TSPAN14: variants seen among roughly 807,000 people sequenced by gnomAD.
The protein encoded by TSPAN14 is tetraspanin 14, also known as tetraspanin-14.
In TSPAN14, 16 loss-of-function variants were observed where a neutral mutation model predicts 36.6. The observed-to-expected ratio is 0.44, with a 90% CI of 0.30 to 0.66. The LOEUF (loss-of-function observed/expected upper bound fraction) is 0.66, where lower values mean the gene tolerates loss of function less well. Ranked by LOEUF, TSPAN14 falls within the 30% of genes least tolerant of loss-of-function variation. The pLI is 0.12. For missense variants in TSPAN14, 231 were observed against 355.1 expected (o/e 0.65, Z 2.81); for synonymous variants, 139 against 143.8 (o/e 0.97, Z 0.24).
chr10:80,507,120 AG>A (rs1840344590), intron 3 of TSPAN14, 107 bp from the exon 4 acceptor site: 4 of 1,426,056 alleles, frequency 2.8e-6, no homozygotes, highest in East Asian at 2.5e-5. Context: ...AAGAGGGCTG[AG>A]CCTGGGGAAG....
intron 1 of TSPAN14, among the ~76,000 whole-genome samples, chr10:80,472,230 A>G (rs1035774687): frequency 2.0e-5 from 3 of 152,156 alleles, no homozygotes; most frequent in East Asian, 1.9e-4. Flanking sequence ...CACAAACTCT[A>G]TGTTTCAGTT....
At chr10:80,490,015 C>G (rs1454834216) in intron 2 of TSPAN14, among the ~76,000 whole-genome samples, 1 of 152,176 alleles carries the variant, frequency 6.6e-6, no homozygotes, top group African/African-American at 2.4e-5. Context: ...AGAAGGGACA[C>G]AGGTGGGGAC....
At chr10:80,515,705 C>A (rs900093595) in intron 7 of TSPAN14, 1 of 163,444 alleles carries the variant, frequency 6.1e-6, no homozygotes, top group African/African-American at 2.4e-5. Flanking sequence ...TGACACCCCA[C>A]CGGGGTTAGC....
intron 2 of TSPAN14, among the ~76,000 whole-genome samples, chr10:80,498,707 G>A (rs1044100038): frequency 7.2e-5 from 11 of 152,216 alleles, no homozygotes; most frequent in Admixed American, 6.5e-5. Context: ...TCTGTCTGCC[G>A]TGCGGGAGGG....
intron 1 of TSPAN14, among the ~76,000 whole-genome samples, chr10:80,475,071 C>T (rs1019429976): frequency 1.3e-5 from 2 of 152,138 alleles, no homozygotes; most frequent in African/African-American, 2.4e-5. Flanking sequence ...GGGGTGCAGG[C>T]GGCCATCCTC....
chr10:80,518,176 G>A, exon 9 of TSPAN14: 1 of 608,022 alleles, frequency 1.6e-6, no homozygotes, highest in Non-Finnish European at 2.9e-6. Context: ...GCCCAAACTT[G>A]TGACTGCATC....
chr10:80,464,738 T>A (rs921556825), intron 1 of TSPAN14, among the ~76,000 whole-genome samples: 1 of 152,142 alleles, frequency 6.6e-6, no homozygotes, highest in Non-Finnish European at 1.5e-5. Context: ...GAGGTTTCTA[T>A]TGTGGCCTGG....
intron 1 of TSPAN14, among the ~76,000 whole-genome samples, chr10:80,476,884 C>T (rs2131985228): frequency 6.6e-6 from 1 of 152,288 alleles, no homozygotes; most frequent in Non-Finnish European, 1.5e-5. Flanking sequence ...AACTTATTCC[C>T]TCCTTAGGGT....
At position 80,473,604 on chromosome 10, in the gene TSPAN14, G is replaced by A. The variant is rs371180290; in HGVS notation, c.-17-15613G>A. Among the ~76,000 whole-genome samples, 334 of 151,838 alleles carry A rather than the reference G, an allele frequency of 2.2e-3. 2 individuals are homozygous for A. The highest frequency in any genetic ancestry group is 7.6e-3 in the African/African-American group (316 of 41,382). Reference sequence around the variant, plus strand: ...AAGGAGGGGATCCAGCCCCCCTGACGTTGTGCAGCTGTGTAGTGACTTCCC... The same window carrying A: ...AAGGAGGGGATCCAGCCCCCCTGACATTGTGCAGCTGTGTAGTGACTTCCC... On this transcript the variant is annotated intron_variant, in intron 1 of 8. Transcript: ENST00000429989.
At chr10:80,500,312 T>C (rs1460567821) in intron 2 of TSPAN14, among the ~76,000 whole-genome samples, 3 of 82,110 alleles carry the variant, frequency 3.7e-5, no homozygotes, top group African/African-American at 5.3e-5. Flanking sequence ...CAAGGCCTTA[T>C]TCTTTTTTTT....
At chr10:80,502,968 G>A (rs1848605001) in intron 2 of TSPAN14, among the ~76,000 whole-genome samples, 1 of 152,100 alleles carries the variant, frequency 6.6e-6, no homozygotes, top group African/African-American at 2.4e-5. Context: ...GCATATGCTT[G>A]GGGTCCCCGA....
intron 4 of TSPAN14, 112 bp downstream of exon 4, chr10:80,507,486 C>G (rs1266932221): frequency 9.6e-6 from 14 of 1,451,912 alleles, no homozygotes. Context: ...GGAGCCTCCC[C>G]TAGGCCCCTG....
intron 3 of TSPAN14, among the ~76,000 whole-genome samples, chr10:80,506,442 T>A (rs1236721258): frequency 2.6e-5 from 4 of 152,222 alleles, no homozygotes; most frequent in Non-Finnish European, 4.4e-5. Flanking sequence ...AGTTAAACTA[T>A]AACAGAGATC....
At chr10:80,460,017 G>T (rs1429257952) in intron 1 of TSPAN14, among the ~76,000 whole-genome samples, 1 of 152,218 alleles carries the variant, frequency 6.6e-6, no homozygotes, top group Non-Finnish European at 1.5e-5. Context: ...GGTCCAGGAA[G>T]ACTTAGGGAG....
At chr10:80,503,693 C>T (rs967373889) in intron 2 of TSPAN14, among the ~76,000 whole-genome samples, 2 of 152,154 alleles carry the variant, frequency 1.3e-5, no homozygotes, top group African/African-American at 4.8e-5. Context: ...TTGGATGAGA[C>T]TTCCTGGGGC....
At chr10:80,517,661 T>TCCA (rs1564749662) in intron 8 of TSPAN14, among the ~76,000 whole-genome samples, 1 of 152,230 alleles carries the variant, frequency 6.6e-6, no homozygotes, top group Non-Finnish European at 1.5e-5. Context: ...GTTTTGCTTG[T>TCCA]GGTGCCTGTG....
Position 80,509,581 on chromosome 10 carries a change from T to C in TSPAN14, c.450+110T>C. The C allele has an allele frequency of 2.5e-6, 3 of 1,197,576 alleles. No individual in the cohort carries two copies. 74.2% of individuals were successfully genotyped at this position (1,197,576 alleles called of 1,614,324 possible). ...TCTCTGTGGGTTGTCTGCCTGCAGC[T>C]TGGCAGACAGCAGGGAGGCCGTGGA... On this transcript the variant is annotated intron_variant, in intron 5 of 8. Coordinates refer to ENST00000429989, the Ensembl canonical transcript of TSPAN14. This position sits in a 1 kb window ranked among gnomAD's most constrained non-coding sequence, Gnocchi z 4.7.
chr10:80,507,302 C>T (rs1166654366), exon 4 of TSPAN14: 2 of 1,614,176 alleles, frequency 1.2e-6, no homozygotes, highest in Non-Finnish European at 8.5e-7. Flanking sequence ...TGATGGTGGG[C>T]GTGGTGATGT....
At chr10:80,461,153 A>G (rs1845945963) in intron 1 of TSPAN14, among the ~76,000 whole-genome samples, 2 of 152,112 alleles carry the variant, frequency 1.3e-5, no homozygotes, top group African/African-American at 4.8e-5. Context: ...CTACTTGATC[A>G]GACTCTGCCT....
Sources: gnomAD v4.1 joint callset for allele counts (sites outside exome capture counted in the v4.1 genomes callset) on GRCh38, gnomAD v4.1.1 for gene constraint, Gnocchi (gnomAD v3.1) non-coding constraint, MANE v1.5 for transcripts, NCBI Gene and HGNC (gene_info 2026-07-23, HGNC 2026-07-21) for gene names.